The following TMEM165 variants were observed in gnomAD, a reference collection of about 807,000 sequenced individuals.
The protein encoded by TMEM165 is transmembrane protein 165.
A neutral mutation model predicts 30.0 loss-of-function variants in TMEM165; 19 were observed. That is an observed-to-expected ratio of 0.63 (90% CI 0.44 to 0.93). The LOEUF (loss-of-function observed/expected upper bound fraction) is 0.93. Ranked by LOEUF, TMEM165 falls within the 40% of genes least tolerant of loss-of-function variation. The pLI, the probability that TMEM165 is intolerant of heterozygous loss-of-function variation, is 0.00. For missense variants in TMEM165, 340 were observed against 417.0 expected (o/e 0.82, Z 1.61); for synonymous variants, 168 against 162.9 (o/e 1.03, Z -0.24).
At position 55,417,865 on chromosome 4, in the gene TMEM165, A is replaced by G; in HGVS notation, c.672A>G (p.Val224=). The change falls in exon 4 of 6, where the codon GTA becomes GTG. Residue 224 remains valine (V), a synonymous_variant. Transcript: ENST00000381334. ...TTGAAACGGGTACAAGCATAACAGT[A>G]CCTCAGAAAAAGTGGTTGCATTTTA... ...GDVETGTSIT[V]PQKKWLHFIS... is the part of the protein sequence containing the mutation. 3 of 1,614,142 alleles carry G rather than the reference A, an allele frequency of 1.9e-6. No individual in the cohort carries two copies. The highest frequency in any genetic ancestry group is 2.5e-6 in the Non-Finnish European group (3 of 1,180,010).
At chr4:55,423,318 A>C (rs993167535) in intron 4 of TMEM165, 1 of 152,194 alleles carries the variant, frequency 6.6e-6, no homozygotes, top group African/African-American at 2.4e-5. Context: ...CTTTGCCTAC[A>C]GTCATCTGCC....
chr4:55,423,726 C>T (rs995504675), intron 4 of TMEM165: 14 of 152,674 alleles, frequency 9.2e-5, no homozygotes, highest in Non-Finnish European at 1.9e-4. Context: ...CCTGGCCTAG[C>T]GGATTTCTGA....
At chr4:55,432,503 G>A (rs1424000368) in intron 3 of TMEM165, 16 of 144,088 alleles carry the variant, frequency 1.1e-4, no homozygotes, top group Admixed American at 1.1e-3. Flanking sequence ...AAAGCTGGAA[G>A]GTGTTTCTAT....
At chr4:55,430,621 A>G (rs1722435050), downstream of TMEM165, 2 of 152,176 alleles carry the variant, frequency 1.3e-5, no homozygotes. Context: ...CTTTTTGTGC[A>G]AAAATATTAC....
intron 3 of TMEM165, among the ~76,000 whole-genome samples, chr4:55,437,570 T>C (rs964556443): frequency 1.4e-4 from 21 of 152,344 alleles, no homozygotes; most frequent in African/African-American, 4.1e-4. Context: ...TTTGTCAATA[T>C]AGCGGTCACA....
At position 55,425,502 on chromosome 4, in the gene TMEM165, T is replaced by C. The variant is rs1353505352; in HGVS notation, c.*50T>C. The C allele has an allele frequency of 6.5e-6, 9 of 1,392,220 alleles. No individual in the cohort carries two copies. Among genetic ancestry groups the C allele is most frequent in the Non-Finnish European group, 8.1e-6 (8 of 981,882 alleles). The allele number at this position is 1,392,220 out of a possible 1,614,324, so 86.2% of individuals were successfully genotyped here. A position where few individuals can be genotyped will look rare whatever the true frequency, so the allele number is the denominator to read the frequency against. On this transcript the variant is annotated 3_prime_UTR_variant, in exon 6 of 6. Coordinates refer to ENST00000381334, the MANE Select transcript of TMEM165 (RefSeq NM_018475.5). ...AGTTTAAAATAGGTAGTATTATCTT[T>C]CTGTACATAGTGTACATTACAACTA...
At chr4:55,404,737 AT>A (rs1260773639) in intron 1 of TMEM165, among the ~76,000 whole-genome samples, 1 of 152,112 alleles carries the variant, frequency 6.6e-6, no homozygotes, top group African/African-American at 2.4e-5. Flanking sequence ...CACAAATTCC[AT>A]TTTTTGAAAG....
intron 3 of TMEM165, among the ~76,000 whole-genome samples, chr4:55,446,368 T>C (rs991359619): frequency 1.3e-5 from 2 of 152,148 alleles, no homozygotes; most frequent in African/African-American, 4.8e-5. Context: ...ATTTAACTTC[T>C]TAGCTTCATT....
intron 1 of TMEM165, among the ~76,000 whole-genome samples, chr4:55,405,439 C>G (rs141914925): frequency 2.6e-5 from 4 of 152,298 alleles, no homozygotes; most frequent in Non-Finnish European, 4.4e-5. Flanking sequence ...TCTGGTGATC[C>G]ATTTCTGATA....
At chr4:55,448,752 GC>G in intron 3 of TMEM165, 1 of 1,554,252 alleles carries the variant, frequency 6.4e-7, no homozygotes, top group Non-Finnish European at 8.9e-7. Context: ...ATTCAAATAC[GC>G]AACTGAAACA....
At chr4:55,416,987 TG>T in intron 2 of TMEM165, 84 bp from the exon 3 acceptor site, 3 of 1,228,888 alleles carry the variant, frequency 2.4e-6, no homozygotes, top group Non-Finnish European at 3.4e-6. Context: ...CTTTTAACAG[TG>T]ATAAATTATT....
chr4:55,434,114 C>T (rs1722706134), intron 3 of TMEM165: 1 of 152,632 alleles, frequency 6.6e-6, no homozygotes, highest in Admixed American at 6.6e-5. Context: ...CTGACACCCA[C>T]ATGCTGTTAA....
intron 3 of TMEM165, among the ~76,000 whole-genome samples, chr4:55,441,766 G>A (rs1560414647): frequency 6.6e-6 from 1 of 152,158 alleles, no homozygotes; most frequent in East Asian, 1.9e-4. Context: ...ATATTGGATA[G>A]AATGTGCACT....
intron 3 of TMEM165, among the ~76,000 whole-genome samples, chr4:55,445,582 C>CTTTTTTTTTTTTTTTCTTTT (rs1723750350): frequency 1.5e-5 from 1 of 68,574 alleles, no homozygotes; most frequent in Non-Finnish European, 2.7e-5. Context: ...TTTCTATATT[C>CTTTTTTTTTTTTTTTCTTTT]TTTTTTTTTT....
downstream of TMEM165, chr4:55,428,093 T>G (rs1437853427): frequency 6.6e-6 from 1 of 152,186 alleles, no homozygotes; most frequent in Non-Finnish European, 1.5e-5. Flanking sequence ...ATTTTTACAT[T>G]TACAAAAACT....
chr4:55,453,338 T>G, exon 4 of TMEM165: 1 of 531,980 alleles, frequency 1.9e-6, no homozygotes, highest in South Asian at 3.2e-5. Context: ...CTGTAAACGA[T>G]CCATAACCAC....
In TMEM165 at chr4:55,412,990, T is replaced by TA. The variant is rs1476788756; in HGVS notation, c.433+1151_433+1152insA. On this transcript the variant is annotated intron_variant, in intron 2 of 5. Coordinates refer to ENST00000381334, the MANE Select transcript of TMEM165 (RefSeq NM_018475.5). ...TTTTTTATTTATTTATTTATTTATT[T>TA]TTTTTTAGAGACTGAGTCTTGCTCT... Among the ~76,000 whole-genome samples the TA allele has an allele frequency of 2.0e-4, 30 of 149,338 alleles. No individual in the cohort carries two copies. In the South Asian group the frequency reaches 2.9e-3, roughly 14 times the overall value.
At chr4:55,419,490 G>A (rs960757912) in intron 4 of TMEM165, among the ~76,000 whole-genome samples, 7 of 152,088 alleles carry the variant, frequency 4.6e-5, no homozygotes, top group Non-Finnish European at 8.8e-5. Context: ...CTTCACAGTT[G>A]TTCAATGCCA....
chr4:55,429,656 C>T (rs999794775), downstream of TMEM165: 1 of 152,088 alleles, frequency 6.6e-6, no homozygotes, highest in African/African-American at 2.4e-5. Context: ...TAACATTTCC[C>T]CAAATGGGCA....
Sources: allele counts gnomAD v4.1 joint callset (sites outside exome capture counted in the v4.1 genomes callset), GRCh38; gene constraint gnomAD v4.1.1; transcripts MANE v1.5; gene names NCBI Gene and HGNC (gene_info 2026-07-23, HGNC 2026-07-21).